RMST: variants seen among roughly 807,000 people sequenced by gnomAD.
RMST encodes the protein rhabdomyosarcoma 2 associated transcript.
At chr12:97,524,708 A>C (rs1880910667) in intron 10 of RMST, among the ~76,000 whole-genome samples, 1 of 152,202 alleles carries the variant, frequency 6.6e-6, no homozygotes, top group Admixed American at 6.5e-5. Flanking sequence ...GGCTAGCCTC[A>C]GGTATGCCCA....
At chr12:97,541,819 A>G (rs1592772187) in intron 11 of RMST, among the ~76,000 whole-genome samples, 1 of 151,836 alleles carries the variant, frequency 6.6e-6, no homozygotes. Context: ...CCATTGGATT[A>G]AAGTATTTTA....
At chr12:97,505,776 C>T (rs1878598323) in intron 10 of RMST, among the ~76,000 whole-genome samples, 1 of 152,128 alleles carries the variant, frequency 6.6e-6, no homozygotes, top group South Asian at 2.1e-4. Flanking sequence ...ACTGCCATGA[C>T]AAGGTGCTTA....
At chr12:97,513,778 C>CA (rs1361328912) in intron 10 of RMST, among the ~76,000 whole-genome samples, 1 of 152,028 alleles carries the variant, frequency 6.6e-6, no homozygotes, top group Non-Finnish European at 1.5e-5. Context: ...AAGATAATGC[C>CA]ATGAATTTTT....
intron 5 of RMST, among the ~76,000 whole-genome samples, chr12:97,482,824 A>G (rs893506126): frequency 4.8e-5 from 7 of 146,122 alleles, no homozygotes; most frequent in Non-Finnish European, 1.0e-4. Context: ...TATATTATTT[A>G]TTTATTAAAT....
chr12:97,563,906 A>G (rs1466634264), intron 13 of RMST: 1 of 508,078 alleles, frequency 2.0e-6, no homozygotes, highest in African/African-American at 1.9e-5. Flanking sequence ...ACATTGTGAA[A>G]AATCATCAAC....
intron 5 of RMST, among the ~76,000 whole-genome samples, chr12:97,479,795 A>T (rs1040873393): frequency 1.3e-5 from 2 of 152,182 alleles, no homozygotes; most frequent in African/African-American, 4.8e-5. Flanking sequence ...CTACTCAGAC[A>T]TTTTATTTGT....
chr12:97,544,547 G>T (rs1274395632), intron 11 of RMST, among the ~76,000 whole-genome samples: 1 of 152,036 alleles, frequency 6.6e-6, no homozygotes, highest in African/African-American at 2.4e-5. Context: ...TTTCAGGGGT[G>T]TATTTGTGTA....
chr12:97,499,612 TTTC>T (rs1404604931), intron 10 of RMST, among the ~76,000 whole-genome samples: 2 of 151,928 alleles, frequency 1.3e-5, no homozygotes, highest in East Asian at 3.9e-4. Context: ...CTTTTTATGT[TTTC>T]TTCTTTTTCT....
At chr12:97,475,889 A>G (rs766292729) in intron 5 of RMST, among the ~76,000 whole-genome samples, 8 of 152,330 alleles carry the variant, frequency 5.3e-5, no homozygotes, top group Admixed American at 1.3e-4. Context: ...ATACTAAAGT[A>G]TTAATACTAC....
chr12:97,478,958 G>A (rs139128688), intron 5 of RMST, among the ~76,000 whole-genome samples: 4 of 152,002 alleles, frequency 2.6e-5, no homozygotes, highest in Non-Finnish European at 5.9e-5. Context: ...GTTGGCACTC[G>A]GGCACCAGTG....
At chr12:97,549,567 C>T (rs1450036248) in intron 11 of RMST, among the ~76,000 whole-genome samples, 1 of 152,188 alleles carries the variant, frequency 6.6e-6, no homozygotes, top group Non-Finnish European at 1.5e-5. Flanking sequence ...AAGGGGTAGA[C>T]CCAATGTGGT....
chr12:97,542,636 A>G (rs546922105), intron 11 of RMST, among the ~76,000 whole-genome samples: 85 of 151,980 alleles, frequency 5.6e-4, no homozygotes, highest in Non-Finnish European at 9.7e-4. Context: ...ATGATTTCCT[A>G]TTCAGTGTGG....
intron 10 of RMST, among the ~76,000 whole-genome samples, chr12:97,510,720 C>T (rs1451824962): frequency 6.6e-6 from 1 of 152,198 alleles, no homozygotes; most frequent in African/African-American, 2.4e-5. Flanking sequence ...GTAGGTGAAA[C>T]AGCATTTGTC....
At chr12:97,546,444 T>A (rs969413317) in intron 11 of RMST, among the ~76,000 whole-genome samples, 2 of 151,946 alleles carry the variant, frequency 1.3e-5, no homozygotes, top group Admixed American at 6.6e-5. Context: ...TAGCCAGGCA[T>A]GGTAGCACAC....
intron 5 of RMST, among the ~76,000 whole-genome samples, chr12:97,489,195 C>T (rs1353419930): frequency 6.6e-6 from 1 of 152,114 alleles, no homozygotes; most frequent in African/African-American, 2.4e-5. Flanking sequence ...CCTGTAATCC[C>T]GGCACTTTGG....
At chr12:97,500,928 G>A (rs1166088190) in intron 10 of RMST, among the ~76,000 whole-genome samples, 3 of 152,122 alleles carry the variant, frequency 2.0e-5, no homozygotes, top group Admixed American at 1.3e-4. Context: ...TTAAAACCCA[G>A]ACATACAAGA....
intron 9 of RMST, among the ~76,000 whole-genome samples, chr12:97,495,731 A>G (rs1218589627): frequency 6.6e-6 from 1 of 152,166 alleles, no homozygotes; most frequent in Non-Finnish European, 1.5e-5. Flanking sequence ...ATTTGTAAAT[A>G]TCATGACTGT....
At chr12:97,529,001 C>T (rs1881387714) in intron 10 of RMST, among the ~76,000 whole-genome samples, 1 of 151,954 alleles carries the variant, frequency 6.6e-6, no homozygotes, top group African/African-American at 2.4e-5. Context: ...TGGAATCTGA[C>T]TCATTTCTTA....
intron 5 of RMST, among the ~76,000 whole-genome samples, chr12:97,476,658 A>G (rs1203080657): frequency 2.0e-5 from 3 of 152,210 alleles, no homozygotes; most frequent in Non-Finnish European, 4.4e-5. Flanking sequence ...TCATGGAAGA[A>G]TAGGCAAATT....
Sources: gnomAD v4.1 joint callset for allele counts (sites outside exome capture counted in the v4.1 genomes callset) on GRCh38, gnomAD v4.1.1 for gene constraint, MANE v1.5 for transcripts, NCBI Gene and HGNC (gene_info 2026-07-23, HGNC 2026-07-21) for gene names.